Variants in NPEPPS observed in about 807,000 individuals in gnomAD.
NPEPPS encodes the protein aminopeptidase puromycin sensitive.
NPEPPS carries 14 observed loss-of-function variants against 115.5 expected under a neutral mutation model. The observed-to-expected ratio is 0.12, with a 90% CI of 0.08 to 0.19. NPEPPS has a LOEUF of 0.19. Among genes scored for constraint, NPEPPS ranks in the 10% least tolerant of loss-of-function variants. The pLI is 1.00. For synonymous variants in NPEPPS, 285 were observed against 390.6 expected (o/e 0.73, Z 3.19); for missense variants, 523 against 1,110.8 (o/e 0.47, Z 7.52).
intron 2 of NPEPPS, chr17:47,559,812 G>A: frequency 2.9e-6 from 1 of 346,040 alleles, no homozygotes; most frequent in Non-Finnish European, 5.6e-6. Flanking sequence ...GTGCTACCTA[G>A]ATAGACTGTG....
rs1264859411 is a variant in NPEPPS at position 47,621,526 on chromosome 17, A to G, written c.2608-242A>G. Among the ~76,000 whole-genome samples, 14 of 152,326 alleles carry G rather than the reference A, an allele frequency of 9.2e-5. No homozygotes were observed. The South Asian group carries it at 1.7e-3, about 18-fold the overall frequency. ...TACACAATTAGCCTAAAAGAAAGGC[A>G]GTAGGTTCTGTCTCTTTATTAACTT... On this transcript the variant is annotated intron_variant, in intron 22 of 22. Coordinates refer to ENST00000322157, the MANE Select transcript of NPEPPS (RefSeq NM_006310.4).
At chr17:47,552,177 G>A (rs1909702706) in intron 2 of NPEPPS, among the ~76,000 whole-genome samples, 1 of 151,474 alleles carries the variant, frequency 6.6e-6, no homozygotes, top group Non-Finnish European at 1.5e-5. Flanking sequence ...TGTTCCCCAG[G>A]CTGGTCTCAG....
At chr17:47,539,468 A>T (rs1597813840) in intron 1 of NPEPPS, among the ~76,000 whole-genome samples, 1 of 152,148 alleles carries the variant, frequency 6.6e-6, no homozygotes, top group East Asian at 1.9e-4. Context: ...GTCACACACT[A>T]TGAGATTAAA....
rs1326910900 is a variant in NPEPPS at position 47,531,567 on chromosome 17, C to T, written c.255+12C>T. The T allele has an allele frequency of 6.3e-7, 1 of 1,592,818 alleles. No homozygotes were observed. Among genetic ancestry groups the T allele is most frequent in the Non-Finnish European group, 8.5e-7 (1 of 1,171,740 alleles). ...AGGCCGCCGCCCAGGTACAGCGACCCTCGGGCCCCGGGGCAAGCTGCGGGG... is the reference window on the plus strand; with the variant it reads ...AGGCCGCCGCCCAGGTACAGCGACCTTCGGGCCCCGGGGCAAGCTGCGGGG... On this transcript the variant is annotated intron_variant, in intron 1 of 22. Coordinates refer to ENST00000322157, the MANE Select transcript of NPEPPS (RefSeq NM_006310.4).
intron 3 of NPEPPS, among the ~76,000 whole-genome samples, chr17:47,572,300 A>C (rs952418019): frequency 2.6e-5 from 4 of 152,178 alleles, no homozygotes; most frequent in Non-Finnish European, 5.9e-5. Flanking sequence ...GGTATACTTG[A>C]TGTCTACTCA....
intron 2 of NPEPPS, among the ~76,000 whole-genome samples, chr17:47,563,125 C>T (rs895734611): frequency 9.2e-5 from 14 of 151,582 alleles, no homozygotes; most frequent in South Asian, 2.1e-4. Flanking sequence ...TCCACCTCCC[C>T]GTTTCAAGCG....
intron 1 of NPEPPS, among the ~76,000 whole-genome samples, chr17:47,541,913 G>T (rs2039324214): frequency 6.6e-6 from 1 of 152,162 alleles, no homozygotes; most frequent in Non-Finnish European, 1.5e-5. Flanking sequence ...AGCCAAAGTA[G>T]TTTCACTTTA....
At chr17:47,606,140 TTTTA>T (rs1370380371) in intron 17 of NPEPPS, among the ~76,000 whole-genome samples, 6 of 152,050 alleles carry the variant, frequency 3.9e-5, no homozygotes, top group Non-Finnish European at 7.4e-5. Flanking sequence ...GCCTCCCAAG[TTTTA>T]TTTATTATTA....
Position 47,543,145 on chromosome 17 carries a change from CA to C in NPEPPS, c.256-2746del, listed in dbSNP as rs941024934. On this transcript the variant is annotated intron_variant, in intron 1 of 22. Transcript: ENST00000322157. ...TGGGCGAGAGAGCGAGACTCCATCT[CA>C]AAAAAAAAAAAAAAAAAGAAAAATG... is the stretch of plus-strand genomic sequence containing the variant. Among the ~76,000 whole-genome samples, 504 of 53,054 alleles carry C rather than the reference CA, an allele frequency of 9.5e-3. 1 individual carries two copies. The highest frequency in any genetic ancestry group is 0.022 in the African/African-American group (296 of 13,704). 34.8% of individuals were successfully genotyped at this position (53,054 alleles called of 152,430 possible).
At chr17:47,545,178 A>C (rs1178264113) in intron 1 of NPEPPS, among the ~76,000 whole-genome samples, 10 of 152,158 alleles carry the variant, frequency 6.6e-5, no homozygotes, top group East Asian at 1.9e-4. Flanking sequence ...CTAATTAAAA[A>C]AATTTTTTTT....
chr17:47,609,140 T>C (rs1401702179), intron 17 of NPEPPS, among the ~76,000 whole-genome samples: 2 of 152,196 alleles, frequency 1.3e-5, no homozygotes, highest in African/African-American at 4.8e-5. Flanking sequence ...GGTAGTAATA[T>C]GCTCAGGAGG....
At chr17:47,549,319 G>A (rs997695279) in intron 2 of NPEPPS, among the ~76,000 whole-genome samples, 1 of 152,070 alleles carries the variant, frequency 6.6e-6, no homozygotes, top group African/African-American at 2.4e-5. Context: ...GCCAGCCTGG[G>A]TGACAGAGAC....
intron 7 of NPEPPS, 51 bp from the exon 8 acceptor site, chr17:47,586,314 G>C (rs1021036057): frequency 2.4e-6 from 2 of 841,736 alleles, no homozygotes; most frequent in Admixed American, 4.3e-5. Context: ...TGATGCAAGA[G>C]TATATATATA....
chr17:47,593,393 C>CA (rs1472096254), intron 12 of NPEPPS, among the ~76,000 whole-genome samples: 2 of 151,970 alleles, frequency 1.3e-5, no homozygotes, highest in Non-Finnish European at 2.9e-5. Context: ...CCCACCTCTA[C>CA]AAAAAATACA....
intron 10 of NPEPPS, among the ~76,000 whole-genome samples, 191 bp downstream of exon 10, chr17:47,591,072 G>A: frequency 6.6e-6 from 1 of 152,232 alleles, no homozygotes. Flanking sequence ...AAGGTAGGCA[G>A]TAAAAAAAAA....
At chr17:47,573,584 T>G (rs1911327488) in intron 3 of NPEPPS, among the ~76,000 whole-genome samples, 1 of 152,126 alleles carries the variant, frequency 6.6e-6, no homozygotes, top group Non-Finnish European at 1.5e-5. Flanking sequence ...TAGGCCATGG[T>G]CGTGGCTCAT....
intron 1 of NPEPPS, among the ~76,000 whole-genome samples, chr17:47,537,374 C>A (rs1424442602): frequency 6.6e-6 from 1 of 151,834 alleles, no homozygotes; most frequent in African/African-American, 2.4e-5. Context: ...TGAAGTTTAC[C>A]CTTTGAGGCC....
Position 47,603,991 on chromosome 17 carries a change from G to A in NPEPPS, c.1817G>A (p.Arg606His), listed in dbSNP as rs201311692. Residue 606 changes from arginine to histidine, a missense_variant, in exon 16 of 23, where the codon CGT becomes CAT. Arg to His is a conservative substitution (Grantham distance 29). Around this residue, in one of 4 missense-constraint regions of NPEPPS, gnomAD observed 372 missense variants for 542.6 expected, o/e 0.69. Coordinates refer to ENST00000322157, the MANE Select transcript of NPEPPS (RefSeq NM_006310.4). ...CTGGAAAGTTTATTACCAGGCATTC[G>A]TGACCTTTCTCTGCCCCCTGTGGAT... Reference protein sequence around the residue: ...AMLESLLPGIRDLSLPPVDRL... With the variant: ...AMLESLLPGIHDLSLPPVDRL... 6.8e-5 allele frequency: 110 copies of A among 1,613,562 alleles called. No homozygotes were observed. Among genetic ancestry groups the A allele is most frequent in the Non-Finnish European group, 8.6e-5 (101 of 1,179,700 alleles).
chr17:47,577,822 T>C (rs1198065711), intron 3 of NPEPPS, among the ~76,000 whole-genome samples: 4 of 152,182 alleles, frequency 2.6e-5, no homozygotes, highest in African/African-American at 9.7e-5. Flanking sequence ...TCACTTATTC[T>C]GTAGACTCGC....
Sources: gnomAD v4.1 joint callset for allele counts (sites outside exome capture counted in the v4.1 genomes callset) on GRCh38, gnomAD v4.1.1 for gene constraint, gnomAD v4.1.1 regional missense constraint, MANE v1.5 for transcripts, NCBI Gene and HGNC (gene_info 2026-07-23, HGNC 2026-07-21) for gene names.